The following PCDHGB1 variants were observed in gnomAD, a reference collection of about 807,000 sequenced individuals.
PCDHGB1 encodes protocadherin gamma-B1.
Under a neutral mutation model 56.6 loss-of-function variants are expected in PCDHGB1, and 34 were observed. The observed-to-expected ratio is 0.60, with a 90% CI of 0.46 to 0.80. The LOEUF (loss-of-function observed/expected upper bound fraction) is 0.80, where lower values mean the gene tolerates loss of function less well. PCDHGB1 is among the 30% of genes least tolerant of loss of function. The pLI is 0.00. For missense variants in PCDHGB1, 1,278 were observed against 1,204.6 expected (o/e 1.06, Z -0.90); for synonymous variants, 561 against 505.9 (o/e 1.11, Z -1.46).
intron 1 of PCDHGB1, among the ~76,000 whole-genome samples, chr5:141,462,023 A>T (rs927945421): frequency 1.3e-5 from 2 of 152,112 alleles, no homozygotes; most frequent in African/African-American, 4.8e-5. Flanking sequence ...GGGTTTCTTC[A>T]TGTTGGTCAG....
intron 1 of PCDHGB1, among the ~76,000 whole-genome samples, chr5:141,459,949 G>T (rs1284876601): frequency 2.0e-5 from 3 of 152,124 alleles, no homozygotes; most frequent in Non-Finnish European, 4.4e-5. Context: ...GTGATGGCAG[G>T]TGCCTGTAAT....
At position 141,376,592 on chromosome 5, in the gene PCDHGB1, C is replaced by T. The variant is rs373550079; in HGVS notation, c.2409+23923C>T. 8 of 1,565,128 alleles carry T rather than the reference C, an allele frequency of 5.1e-6. No individual in the cohort carries two copies. In the East Asian group the frequency reaches 1.4e-4, roughly 27 times the overall value. On this transcript the variant is annotated intron_variant, in intron 1 of 3. Coordinates refer to ENST00000523390, the MANE Select transcript of PCDHGB1 (RefSeq NM_018922.3). ...CAGACAGGCTCATCAGCTAGATCGG[C>T]TGTTATAGAAGCGAACCTCTTTTGG...
At chr5:141,392,925 G>A (rs1230996735) in intron 1 of PCDHGB1, 22 of 1,613,946 alleles carry the variant, frequency 1.4e-5, no homozygotes, top group Non-Finnish European at 1.9e-5. Flanking sequence ...TGTGCCAGAA[G>A]AGACGGACAA....
In PCDHGB1 at chr5:141,490,378, G is replaced by A; in HGVS notation, c.2410-4429G>A. On this transcript the variant is annotated intron_variant, in intron 1 of 3. Transcript: ENST00000523390. The surrounding 1 kb of genome is among the most constrained non-coding windows in gnomAD (Gnocchi z 5.4). The stretch of plus-strand genomic sequence containing the variant: ...GTTTAATGTGCGAGACCGGGACTCA[G>A]GTAGAAATGGTGAAGTGAGCCTTGA... 1 of 1,614,214 alleles carries A rather than the reference G, an allele frequency of 6.2e-7. No homozygotes were observed. The highest frequency in any genetic ancestry group is 1.1e-5 in the South Asian group (1 of 91,086).
chr5:141,383,405 G>C (rs189408749), intron 1 of PCDHGB1: 11 of 1,613,898 alleles, frequency 6.8e-6, no homozygotes, highest in Non-Finnish European at 8.5e-6. Context: ...TCCCTCCAGA[G>C]TTACCAGCTC....
Position 141,489,138 on chromosome 5 carries a change from T to C in PCDHGB1, c.2410-5669T>C. 1.4e-6 allele frequency: 1 copy of C among 738,808 alleles called. No homozygotes were observed. The highest frequency in any genetic ancestry group is 3.0e-5 in the Admixed American group (1 of 33,014). The allele number at this position is 738,808 out of a possible 1,614,324, so 45.8% of individuals were successfully genotyped here. On this transcript the variant is annotated intron_variant, in intron 1 of 3. Transcript: ENST00000523390. This position sits in a 1 kb window ranked among gnomAD's most constrained non-coding sequence, Gnocchi z 4.5. ...AACCTCCGAGCAGTTTTTAAGAGGC[T>C]GGAAGGAGACATAAGAGACTTCAGC...
At chr5:141,441,246 C>G (rs2098234855) in intron 1 of PCDHGB1, 1 of 152,136 alleles carries the variant, frequency 6.6e-6, no homozygotes, top group Non-Finnish European at 1.5e-5. Flanking sequence ...ATCACAAGAT[C>G]TTTAAATCAC....
chr5:141,350,553 A>G lies in PCDHGB1; in HGVS notation c.293A>G (p.Glu98Gly), dbSNP rs1758502630. 1.9e-6 allele frequency: 3 copies of G among 1,613,934 alleles called. No homozygotes were observed. The highest frequency in any genetic ancestry group is 2.5e-6 in the Non-Finnish European group (3 of 1,179,900). ...DREKICGRKL[E>G]CALEFETVAE... The stretch of plus-strand genomic sequence containing the variant: ...GAGAAGATTTGCGGAAGGAAACTTG[A>G]GTGTGCACTAGAATTCGAAACGGTC... Residue 98 changes from glutamate (E) to glycine (G), a missense_variant, in exon 1 of 4, where the codon GAG becomes GGG. Glu to Gly is a moderately conservative substitution (Grantham distance 98). Coordinates refer to ENST00000523390, the MANE Select transcript of PCDHGB1 (RefSeq NM_018922.3).
At chr5:141,454,087 T>A (rs1251936767) in intron 1 of PCDHGB1, among the ~76,000 whole-genome samples, 4 of 152,198 alleles carry the variant, frequency 2.6e-5, no homozygotes, top group Non-Finnish European at 5.9e-5. Context: ...TCAGTGAAAT[T>A]TGAATTGAAC....
At chr5:141,370,324 C>T (rs1766812702) in intron 1 of PCDHGB1, 1 of 1,378,622 alleles carries the variant, frequency 7.3e-7, no homozygotes, top group African/African-American at 1.4e-5. Flanking sequence ...TGGTCCTGCT[C>T]GGAGAACTCT....
intron 1 of PCDHGB1, among the ~76,000 whole-genome samples, chr5:141,368,183 A>C (rs1765520676): frequency 6.6e-6 from 1 of 152,202 alleles, no homozygotes; most frequent in South Asian, 2.1e-4. Flanking sequence ...TAATGACTAA[A>C]TAAGGGGAAA....
chr5:141,355,298 A>C (rs374574090), intron 1 of PCDHGB1: 19 of 1,613,694 alleles, frequency 1.2e-5, no homozygotes, highest in African/African-American at 6.7e-5. Context: ...CAGATTCTCT[A>C]CTCGGTGTTT....
In PCDHGB1 at chr5:141,432,872, C is replaced by G; in HGVS notation, c.2410-61935C>G. 4 of 1,614,192 alleles carry G rather than the reference C, an allele frequency of 2.5e-6. No individual in the cohort carries two copies. The highest frequency in any genetic ancestry group is 3.4e-6 in the Non-Finnish European group (4 of 1,180,018). ...GGTGGCCGCGGTCTCCTGCGTCTTCCTGGCCTTCGTCATCTTGCTGCTGGC... is the reference window on the plus strand; with the variant it reads ...GGTGGCCGCGGTCTCCTGCGTCTTCGTGGCCTTCGTCATCTTGCTGCTGGC... On this transcript the variant is annotated intron_variant, in intron 1 of 3. Coordinates refer to ENST00000523390, the MANE Select transcript of PCDHGB1 (RefSeq NM_018922.3). The surrounding 1 kb of genome is among the most constrained non-coding windows in gnomAD (Gnocchi z 6.0).
intron 1 of PCDHGB1, among the ~76,000 whole-genome samples, chr5:141,433,397 A>ATCTATCTG (rs1554126017): frequency 5.3e-5 from 8 of 150,410 alleles, no homozygotes; most frequent in Non-Finnish European, 1.2e-4. Context: ...CTATCTATCT[A>ATCTATCTG]TCTATCTATT....
chr5:141,486,169 A>T lies in PCDHGB1; in HGVS notation c.2410-8638A>T. On this transcript the variant is annotated intron_variant, in intron 1 of 3. Transcript: ENST00000523390. The surrounding 1 kb of genome is among the most constrained non-coding windows in gnomAD (Gnocchi z 5.0). ...ATGGGGGTTCTCCAGCCATGGAGCA[A>T]CATTGCAGCCTTCGAGTGGATCTGC... 1 of 1,614,206 alleles carries T rather than the reference A, an allele frequency of 6.2e-7. No homozygotes were observed. Among genetic ancestry groups the T allele is most frequent in the Non-Finnish European group, 8.5e-7 (1 of 1,180,032 alleles).
At chr5:141,399,304 T>C (rs756847972) in intron 1 of PCDHGB1, 1 of 1,613,956 alleles carries the variant, frequency 6.2e-7, no homozygotes, top group Admixed American at 1.7e-5. Context: ...GATTATCTCT[T>C]CATCCAAAAA....
intron 1 of PCDHGB1, chr5:141,360,473 C>T: frequency 6.2e-7 from 1 of 1,613,878 alleles, no homozygotes; most frequent in Non-Finnish European, 8.5e-7. Flanking sequence ...GCTGAAAATC[C>T]ACTAAATATT....
In PCDHGB1 at chr5:141,462,551, G is replaced by C. The variant is rs57555347; in HGVS notation, c.2410-32256G>C. 8.3e-3 allele frequency among the ~76,000 whole-genome samples: 1,259 copies of C among 151,854 alleles called. 17 individuals carry two copies. The highest frequency in any genetic ancestry group is 0.029 in the African/African-American group (1,196 of 41,422). ...TTGTTCAGTGATCTTTTCTTCTTCA[G>C]TGTTTACTGTATTTGCTAATCCCAT... On this transcript the variant is annotated intron_variant, in intron 1 of 3. Transcript: ENST00000523390.
intron 1 of PCDHGB1, chr5:141,382,835 CG>C: frequency 7.0e-7 from 1 of 1,431,186 alleles, no homozygotes. Context: ...GGGGTCCACC[CG>C]GATACACCCG....
Sources: allele counts gnomAD v4.1 joint callset (sites outside exome capture counted in the v4.1 genomes callset), GRCh38; gene constraint gnomAD v4.1.1; non-coding constraint Gnocchi (gnomAD v3.1); transcripts MANE v1.5; gene names NCBI Gene and HGNC (gene_info 2026-07-23, HGNC 2026-07-21).